The following LLGL1 variants were observed in gnomAD, a reference collection of about 807,000 sequenced individuals.
LLGL1 encodes lethal(2) giant larvae protein homolog 1.
In LLGL1, 58 loss-of-function variants were observed where a neutral mutation model predicts 110.6. The observed-to-expected ratio is 0.52, with a 90% CI of 0.42 to 0.65. The LOEUF is 0.65. Among genes scored for constraint, LLGL1 ranks in the 30% least tolerant of loss-of-function variants. LLGL1 has a pLI of 0.00. For missense variants in LLGL1, 1,229 were observed against 1,462.1 expected (o/e 0.84, Z 2.60); for synonymous variants, 674 against 607.2 (o/e 1.11, Z -1.62).
intron 9 of LLGL1, 42 bp from the exon 10 acceptor site, chr17:18,235,047 C>G (rs767485272): frequency 6.2e-7 from 1 of 1,613,734 alleles, no homozygotes; most frequent in Non-Finnish European, 8.5e-7. Flanking sequence ...TGCCCTCTGC[C>G]ACCTATGGCT....
At position 18,237,576 on chromosome 17, in the gene LLGL1, G is replaced by A. The variant is rs1159746963; in HGVS notation, c.1707G>A (p.Lys569=). 6.2e-7 allele frequency: 1 copy of A among 1,610,234 alleles called. No homozygotes were observed. Among genetic ancestry groups the A allele is most frequent in the Admixed American group, 1.7e-5 (1 of 59,964 alleles). The stretch of plus-strand genomic sequence containing the variant: ...AGGACCGCGAGGGCTTCACATGGAA[G>A]GGCCACGAGCGGCTGAGCCCACGCA... ...LLQDREGFTW[K]GHERLSPRTG... The change falls in exon 14 of 23, where the codon AAG becomes AAA. Residue 569 remains lysine (K), a synonymous_variant. Coordinates refer to ENST00000316843, the MANE Select transcript of LLGL1 (RefSeq NM_004140.4).
chr17:18,227,868 G>A (rs2047484311), intron 1 of LLGL1, among the ~76,000 whole-genome samples: 1 of 152,208 alleles, frequency 6.6e-6, no homozygotes, highest in Non-Finnish European at 1.5e-5. Flanking sequence ...AAGGGACTTA[G>A]TCACCTAAGT....
intron 11 of LLGL1, chr17:18,236,221 TC>T: frequency 5.0e-6 from 1 of 199,498 alleles, no homozygotes; most frequent in Non-Finnish European, 1.0e-5. Context: ...ATGCAGCTCC[TC>T]CCCCGGGATG....
At position 18,244,852 on chromosome 17, in the gene LLGL1, T is replaced by C. The variant is rs529688921; in HGVS notation, c.*946T>C. 3.8e-5 allele frequency: 15 copies of C among 398,998 alleles called. No individual in the cohort carries two copies. The East Asian group carries it at 5.4e-4, about 14-fold the overall frequency. The allele number at this position is 398,998 out of a possible 1,614,324, so 24.7% of individuals were successfully genotyped here. A position where few individuals can be genotyped will look rare whatever the true frequency, so the allele number is the denominator to read the frequency against. ...AAATACTGATTTTTAATATTGAAAA[T>C]AAAAGCATTTAATATCTCTTAAAGG... is the stretch of plus-strand genomic sequence containing the variant. On this transcript the variant is annotated 3_prime_UTR_variant, in exon 23 of 23. Coordinates refer to ENST00000316843, the MANE Select transcript of LLGL1 (RefSeq NM_004140.4).
In LLGL1 at chr17:18,242,825, G is replaced by A. The variant is rs2047874623; in HGVS notation, c.*1+3G>A. The A allele has an allele frequency of 6.5e-7, 1 of 1,548,576 alleles. No individual in the cohort carries two copies. On this transcript the variant is annotated splice_donor_region_variant and intron_variant, in intron 22 of 22. Coordinates refer to ENST00000316843, the MANE Select transcript of LLGL1 (RefSeq NM_004140.4). ...CTGTGCCATCCTGATCAAATGAGGTGCTGCAGGGGTGGGGCCCTGGTCCTC... is the reference window on the plus strand; with the variant it reads ...CTGTGCCATCCTGATCAAATGAGGTACTGCAGGGGTGGGGCCCTGGTCCTC...
intron 4 of LLGL1, among the ~76,000 whole-genome samples, 197 bp from the exon 5 acceptor site, chr17:18,233,581 A>G (rs1370092714): frequency 6.6e-6 from 1 of 152,062 alleles, no homozygotes; most frequent in Non-Finnish European, 1.5e-5. Context: ...ATTTTTATCC[A>G]TCTCCCTGCT....
In LLGL1 at chr17:18,235,319, G is replaced by GC; in HGVS notation, c.1284+8dup. ...GCCTGTCTCCAGTGCCTTGGTGTGT[G>GC]CGGCGATCAGGGGGGTCTTACAGGG... On this transcript the variant is annotated splice_region_variant and intron_variant, in intron 10 of 22. Coordinates refer to ENST00000316843, the MANE Select transcript of LLGL1 (RefSeq NM_004140.4). The GC allele has an allele frequency of 6.2e-7, 1 of 1,609,950 alleles. No individual in the cohort carries two copies.
At chr17:18,237,953 C>T (rs1260517332) in intron 14 of LLGL1, 114 bp from the exon 15 acceptor site, 7 of 1,370,498 alleles carry the variant, frequency 5.1e-6, no homozygotes, top group Non-Finnish European at 6.0e-6. Context: ...GTCCATAGGA[C>T]TGCGCCAGAG....
In LLGL1 at chr17:18,233,921, G is replaced by C. The variant is rs1479951682; in HGVS notation, c.536G>C (p.Gly179Ala). 4.3e-6 allele frequency: 7 copies of C among 1,612,522 alleles called. No individual in the cohort carries two copies. The highest frequency in any genetic ancestry group is 5.1e-6 in the Non-Finnish European group (6 of 1,179,948). The change falls in exon 5 of 23, where the codon GGC (glycine) becomes GCC (alanine). Residue 179 changes from glycine (G) to alanine (A), a missense_variant. Transcript: ENST00000316843. ...TLLEGQTLAP[G>A]EVLRSVPDDY... The stretch of plus-strand genomic sequence containing the variant: ...CTCGAGGGGCAGACGCTTGCCCCAG[G>C]CGAGGTTCTGCGCAGGTAAGAGGCC...
At chr17:18,241,295 A>G in intron 17 of LLGL1, 156 bp from the exon 18 acceptor site, 1 of 862,094 alleles carries the variant, frequency 1.2e-6, no homozygotes, top group Middle Eastern at 2.9e-4. Flanking sequence ...TGAAGTCTGG[A>G]GTTTAGTGGG....
intron 2 of LLGL1, among the ~76,000 whole-genome samples, chr17:18,230,948 G>A (rs1456328804): frequency 5.3e-5 from 8 of 152,132 alleles, no homozygotes; most frequent in African/African-American, 1.2e-4. Flanking sequence ...TGGCCCCAGC[G>A]GCCTCTGTTG....
rs569742357 is a variant in LLGL1 at position 18,240,040 on chromosome 17, C to T, written c.2207-538C>T. On this transcript the variant is annotated intron_variant, in intron 16 of 22. Coordinates refer to ENST00000316843, the MANE Select transcript of LLGL1 (RefSeq NM_004140.4). The surrounding 1 kb of genome is among the most constrained non-coding windows in gnomAD (Gnocchi z 5.3). ...AGGCAGAGCAGGGTCGATGGATGGT[C>T]GTCCTAGGTGTCCCCAGGCTTGGCG... 2.0e-5 allele frequency among the ~76,000 whole-genome samples: 3 copies of T among 152,204 alleles called. No individual in the cohort carries two copies. Among genetic ancestry groups the T allele is most frequent in the South Asian group, 2.1e-4 (1 of 4,822 alleles).
At chr17:18,239,058 C>T (rs2047763483) in intron 16 of LLGL1, among the ~76,000 whole-genome samples, 1 of 152,104 alleles carries the variant, frequency 6.6e-6, no homozygotes, top group South Asian at 2.1e-4. Flanking sequence ...CTGGGTCACC[C>T]CCAGTCTCTC....
At position 18,241,668 on chromosome 17, in the gene LLGL1, A is replaced by C; in HGVS notation, c.2720A>C (p.Glu907Ala). Residue 907 changes from glutamate (E) to alanine (A), a missense_variant, in exon 18 of 23, where the codon GAG becomes GCG. Glu to Ala is a moderately radical substitution (Grantham distance 107). Coordinates refer to ENST00000316843, the MANE Select transcript of LLGL1 (RefSeq NM_004140.4). ...PQVHYSCIRK[E>A]DISGIASCVF... ...GTGCACTATTCCTGCATCCGGAAGG[A>C]GGACATCAGCGGCATCGCTTCGTGC... 6.2e-7 allele frequency: 1 copy of C among 1,613,670 alleles called. No individual in the cohort carries two copies. Among genetic ancestry groups the C allele is most frequent in the Non-Finnish European group, 8.5e-7 (1 of 1,180,006 alleles).
At chr17:18,225,924 C>T (rs2142522287) in intron 1 of LLGL1, among the ~76,000 whole-genome samples, 161 bp downstream of exon 1, 1 of 150,520 alleles carries the variant, frequency 6.6e-6, no homozygotes, top group East Asian at 2.0e-4. Context: ...CCTCGGCGGG[C>T]CCCGCTCTGG....
chr17:18,235,951 C>T (rs960999330), intron 11 of LLGL1: 24 of 222,192 alleles, frequency 1.1e-4, no homozygotes, highest in Non-Finnish European at 1.9e-4. Context: ...AGGCCTCTGA[C>T]TCTGGTGTGC....
intron 17 of LLGL1, 86 bp from the exon 18 acceptor site, chr17:18,241,365 G>A: frequency 5.3e-6 from 8 of 1,501,120 alleles, no homozygotes; most frequent in Non-Finnish European, 7.1e-6. Flanking sequence ...TGTGGTGGGG[G>A]CTGTTGGGTC....
At chr17:18,234,563 G>T in intron 7 of LLGL1, 86 bp from the exon 8 acceptor site, 1 of 1,591,350 alleles carries the variant, frequency 6.3e-7, no homozygotes. Context: ...CAGCTGTAAG[G>T]TAGAGAGCAG....
At chr17:18,227,359 A>G (rs1194436793) in intron 1 of LLGL1, among the ~76,000 whole-genome samples, 1 of 149,226 alleles carries the variant, frequency 6.7e-6, no homozygotes, top group African/African-American at 2.5e-5. Context: ...ATGGCCCTTC[A>G]GGGAAAGGCA....
Sources: gnomAD v4.1 joint callset for allele counts (sites outside exome capture counted in the v4.1 genomes callset) on GRCh38, gnomAD v4.1.1 for gene constraint, Gnocchi (gnomAD v3.1) non-coding constraint, MANE v1.5 for transcripts, NCBI Gene and HGNC (gene_info 2026-07-23, HGNC 2026-07-21) for gene names.